The following COL21A1 variants were observed in gnomAD, a reference collection of about 807,000 sequenced individuals.
The protein encoded by COL21A1 is collagen alpha-1(XXI) chain.
COL21A1 carries 149 observed loss-of-function variants against 137.9 expected under a neutral mutation model. The observed-to-expected ratio is 1.08, with a 90% CI of 0.95 to 1.24. The LOEUF is 1.24. Ranked by LOEUF, COL21A1 falls within the 50% of genes most tolerant of loss-of-function variation. The probability of loss-of-function intolerance (pLI) is 0.00; values close to 1 mark genes in which losing one functional copy is unlikely to be tolerated. For missense variants in COL21A1, 1,167 were observed against 1,158.4 expected (o/e 1.01, Z -0.11); for synonymous variants, 456 against 391.5 (o/e 1.16, Z -1.95).
intron 1 of COL21A1, among the ~76,000 whole-genome samples, chr6:56,357,336 A>G (rs1765857513): frequency 1.3e-5 from 2 of 152,186 alleles, no homozygotes; most frequent in Admixed American, 1.3e-4. Flanking sequence ...AATCTACAGC[A>G]TCTTACAATT....
chr6:56,259,416 C>A, intron 1 of COL21A1, among the ~76,000 whole-genome samples: 1 of 152,324 alleles, frequency 6.6e-6, no homozygotes, highest in South Asian at 2.1e-4. Flanking sequence ...CATTGCTGAG[C>A]GCTCACTCAC....
chr6:56,067,001 G>GT, intron 23 of COL21A1, among the ~76,000 whole-genome samples: 1 of 95,286 alleles, frequency 1.0e-5, no homozygotes, highest in South Asian at 3.3e-4. Context: ...GTGTGTATGT[G>GT]GTATATATAT....
intron 14 of COL21A1, among the ~76,000 whole-genome samples, chr6:56,125,011 C>CTTTT (rs70986773): frequency 1.3e-4 from 7 of 54,842 alleles, no homozygotes; most frequent in Non-Finnish European, 2.2e-4. Flanking sequence ...ATCTGTAAAT[C>CTTTT]TTTTTTTTTT....
intron 1 of COL21A1, among the ~76,000 whole-genome samples, chr6:56,314,267 G>GC (rs1764679675): frequency 6.6e-6 from 1 of 152,248 alleles, no homozygotes; most frequent in African/African-American, 2.4e-5. Context: ...ACAGGCGTGA[G>GC]CCACCGCACC....
chr6:56,233,531 G>C (rs1781716544), intron 1 of COL21A1, among the ~76,000 whole-genome samples: 1 of 151,532 alleles, frequency 6.6e-6, no homozygotes, highest in African/African-American at 2.4e-5. Flanking sequence ...ATAGCTAGAT[G>C]GAAAATCAAG....
chr6:56,327,152 T>C lies in COL21A1; in HGVS notation c.-39+66819A>G, dbSNP rs561529595. Among the ~76,000 whole-genome samples the C allele has an allele frequency of 2.7e-3, 11 of 4,138 alleles. No individual in the cohort carries two copies. The South Asian group carries it at 0.46, about 172-fold the overall frequency. 2.7% of individuals were successfully genotyped at this position (4,138 alleles called of 152,430 possible). On this transcript the variant is annotated intron_variant, in intron 1 of 28. Coordinates refer to the COL21A1 transcript ENST00000370819. Reference sequence around the variant, plus strand: ...ATTAATATTATATATTGTCAAATGCTCTAAAACTCTAATTATTTTTTAAAT... The same window carrying C: ...ATTAATATTATATATTGTCAAATGCCCTAAAACTCTAATTATTTTTTAAAT...
At chr6:56,085,733 C>A (rs549365095) in intron 17 of COL21A1, among the ~76,000 whole-genome samples, 1 of 151,708 alleles carries the variant, frequency 6.6e-6, no homozygotes, top group Non-Finnish European at 1.5e-5. Context: ...GGGCTTTGAC[C>A]CCAAATTTTG....
At chr6:56,256,134 G>C (rs909706446) in intron 1 of COL21A1, among the ~76,000 whole-genome samples, 3 of 152,152 alleles carry the variant, frequency 2.0e-5, no homozygotes, top group Non-Finnish European at 2.9e-5. Flanking sequence ...AAAGAAATAA[G>C]GTTCTCTAGA....
chr6:56,275,249 A>T (rs9370501), intron 1 of COL21A1, among the ~76,000 whole-genome samples: 99,727 of 152,052 alleles, frequency 0.66, 33,576 homozygotes, highest in African/African-American at 0.78. Context: ...AAGACCTCAA[A>T]CTATAAAAAT....
intron 17 of COL21A1, among the ~76,000 whole-genome samples, chr6:56,086,486 CA>C (rs1264922416): frequency 1.3e-5 from 2 of 152,020 alleles, no homozygotes; most frequent in Non-Finnish European, 2.9e-5. Context: ...TAGAGAAAAG[CA>C]AATGTTATTA....
At chr6:56,131,586 G>A (rs904595610) in intron 12 of COL21A1, among the ~76,000 whole-genome samples, 1 of 151,928 alleles carries the variant, frequency 6.6e-6, no homozygotes, top group Non-Finnish European at 1.5e-5. Context: ...TTAAGGGGAG[G>A]TTCAATAAAT....
At chr6:56,175,172 T>C (rs1367919130) in intron 3 of COL21A1, among the ~76,000 whole-genome samples, 1 of 152,068 alleles carries the variant, frequency 6.6e-6, no homozygotes, top group Non-Finnish European at 1.5e-5. Context: ...ATTTGAAAAG[T>C]TCACAGCTAA....
intron 1 of COL21A1, among the ~76,000 whole-genome samples, chr6:56,344,767 T>G (rs1304468151): frequency 1.3e-5 from 2 of 152,150 alleles, no homozygotes; most frequent in Admixed American, 1.3e-4. Flanking sequence ...TCATGAGATC[T>G]GGTTGTTTAA....
intron 1 of COL21A1, among the ~76,000 whole-genome samples, chr6:56,383,724 T>C (rs1451145858): frequency 1.3e-5 from 2 of 152,192 alleles, no homozygotes. Context: ...GCATTAGGAA[T>C]TGACCCAGGT....
At chr6:56,317,138 G>A (rs1377038525) in intron 1 of COL21A1, among the ~76,000 whole-genome samples, 1 of 152,130 alleles carries the variant, frequency 6.6e-6, no homozygotes, top group African/African-American at 2.4e-5. Flanking sequence ...AGATGTCAGG[G>A]TGGCAGTTTA....
intron 1 of COL21A1, among the ~76,000 whole-genome samples, chr6:56,350,564 A>G (rs1384014939): frequency 1.3e-5 from 2 of 152,252 alleles, no homozygotes; most frequent in African/African-American, 4.8e-5. Flanking sequence ...CGGGGAAAAT[A>G]TACTCAACAA....
At chr6:56,387,622 G>T (rs1395532236) in intron 1 of COL21A1, among the ~76,000 whole-genome samples, 1 of 152,164 alleles carries the variant, frequency 6.6e-6, no homozygotes, top group Non-Finnish European at 1.5e-5. Context: ...GGGAGAAAGA[G>T]ACCTAAGTGA....
intron 9 of COL21A1, among the ~76,000 whole-genome samples, chr6:56,159,893 A>G (rs1776066868): frequency 6.6e-6 from 1 of 152,180 alleles, no homozygotes; most frequent in Non-Finnish European, 1.5e-5. Context: ...ATATTTAATA[A>G]TAATGTTTTC....
chr6:56,302,726 T>C (rs941048495), intron 1 of COL21A1, among the ~76,000 whole-genome samples: 4 of 151,254 alleles, frequency 2.6e-5, no homozygotes, highest in Non-Finnish European at 5.9e-5. Flanking sequence ...AGAAGCTCTT[T>C]AGTTTAATTA....
Sources: gnomAD v4.1 joint callset for allele counts (sites outside exome capture counted in the v4.1 genomes callset) on GRCh38, gnomAD v4.1.1 for gene constraint, MANE v1.5 for transcripts, NCBI Gene and HGNC (gene_info 2026-07-23, HGNC 2026-07-21) for gene names.